The following ROBO1 variants were observed in gnomAD, a reference collection of about 807,000 sequenced individuals.
ROBO1 encodes the protein roundabout guidance receptor 1.
In ROBO1, 149 loss-of-function variants were observed where a neutral mutation model predicts 195.9. That is an observed-to-expected ratio of 0.76 (90% CI 0.67 to 0.87). The LOEUF is 0.87. Among genes scored for constraint, ROBO1 ranks in the 40% least tolerant of loss-of-function variants. The pLI is 0.00. For synonymous variants in ROBO1, 816 were observed against 733.2 expected (o/e 1.11, Z -1.82); for missense variants, 1,933 against 2,068.3 (o/e 0.93, Z 1.27).
At chr3:79,237,468 A>G (rs324752) in intron 2 of ROBO1, among the ~76,000 whole-genome samples, 150,672 of 151,198 alleles carry the variant, frequency 1, 75,076 homozygotes, top group Middle Eastern at 1. Flanking sequence ...GCGACAGAGC[A>G]AGACTCCATC....
At chr3:79,189,085 T>C (rs1441027784) in intron 2 of ROBO1, among the ~76,000 whole-genome samples, 3 of 151,858 alleles carry the variant, frequency 2.0e-5, no homozygotes, top group Admixed American at 1.3e-4. Context: ...TTTCTGTTTT[T>C]ATAAGCTGCC....
At chr3:79,640,016 C>A (rs180714553) in intron 1 of ROBO1, among the ~76,000 whole-genome samples, 1 of 152,202 alleles carries the variant, frequency 6.6e-6, no homozygotes, top group Non-Finnish European at 1.5e-5. Context: ...TCTTCATCAT[C>A]CAGGGACAGA....
chr3:79,630,629 G>C (rs1176632068), intron 1 of ROBO1, among the ~76,000 whole-genome samples: 1 of 151,996 alleles, frequency 6.6e-6, no homozygotes, highest in Middle Eastern at 3.4e-3. Context: ...GTACTGGAAG[G>C]CTTTGACAGA....
intron 2 of ROBO1, among the ~76,000 whole-genome samples, chr3:79,229,740 A>AT (rs1258463795): frequency 6.6e-6 from 1 of 152,114 alleles, no homozygotes; most frequent in African/African-American, 2.4e-5. Flanking sequence ...TTTGAAAGTT[A>AT]TTTTGTGACA....
chr3:79,369,290 C>A (rs966477861), intron 2 of ROBO1, among the ~76,000 whole-genome samples: 2 of 152,160 alleles, frequency 1.3e-5, no homozygotes, highest in South Asian at 4.1e-4. Context: ...ACATAGAAAT[C>A]TAAATCCCTC....
chr3:79,298,068 T>C (rs2032688754), intron 2 of ROBO1, among the ~76,000 whole-genome samples: 1 of 152,148 alleles, frequency 6.6e-6, no homozygotes, highest in Non-Finnish European at 1.5e-5. Flanking sequence ...AGAAATACTA[T>C]TCTCAAAGTG....
intron 24 of ROBO1, among the ~76,000 whole-genome samples, chr3:78,633,308 T>G (rs1435747185): frequency 6.6e-6 from 1 of 152,120 alleles, no homozygotes; most frequent in Non-Finnish European, 1.5e-5. Flanking sequence ...CAAGCTCCCA[T>G]CTGCAGCCCC....
At chr3:78,825,046 T>C (rs1466587872) in intron 4 of ROBO1, among the ~76,000 whole-genome samples, 3 of 152,180 alleles carry the variant, frequency 2.0e-5, no homozygotes, top group Non-Finnish European at 4.4e-5. Context: ...AAAACTCAAT[T>C]TAAATCCCTT....
chr3:79,574,888 CA>C (rs1943399912), intron 2 of ROBO1, among the ~76,000 whole-genome samples: 1 of 150,942 alleles, frequency 6.6e-6, no homozygotes, highest in Admixed American at 6.6e-5. Context: ...TAAACACAAA[CA>C]AAAAAATTAT....
chr3:79,525,729 C>T (rs111577956), intron 2 of ROBO1, among the ~76,000 whole-genome samples: 11,218 of 151,450 alleles, frequency 0.074, 463 homozygotes, highest in East Asian at 0.16. Context: ...CCTCAGCCTC[C>T]TGAGTGGCTG....
intron 3 of ROBO1, among the ~76,000 whole-genome samples, chr3:79,064,114 C>G (rs1163595968): frequency 6.6e-6 from 1 of 151,878 alleles, no homozygotes; most frequent in Admixed American, 6.6e-5. Context: ...AAAAAAATTA[C>G]AAATGTTTAA....
chr3:79,003,843 T>C (rs987735304), intron 3 of ROBO1, among the ~76,000 whole-genome samples: 2 of 152,200 alleles, frequency 1.3e-5, no homozygotes, highest in African/African-American at 2.4e-5. Flanking sequence ...GGTTAAAAAC[T>C]ACAGCACTTC....
chr3:79,450,661 A>G (rs752048449), intron 2 of ROBO1, among the ~76,000 whole-genome samples: 1 of 152,008 alleles, frequency 6.6e-6, no homozygotes. Flanking sequence ...GCTATTCTTA[A>G]TCTCCTTTCT....
At chr3:79,187,468 T>C (rs2081461097) in intron 2 of ROBO1, among the ~76,000 whole-genome samples, 1 of 152,060 alleles carries the variant, frequency 6.6e-6, no homozygotes, top group African/African-American at 2.4e-5. Context: ...TCATTTCTAA[T>C]TGGATATATT....
intron 4 of ROBO1, among the ~76,000 whole-genome samples, chr3:78,867,274 C>T (rs1465494579): frequency 6.6e-6 from 1 of 152,144 alleles, no homozygotes; most frequent in African/African-American, 2.4e-5. Flanking sequence ...TCCTTCATTT[C>T]TATTACCTTA....
intron 2 of ROBO1, among the ~76,000 whole-genome samples, chr3:79,373,743 C>T (rs1008482680): frequency 9.9e-5 from 15 of 152,140 alleles, no homozygotes; most frequent in Non-Finnish European, 1.8e-4. Context: ...AATTAACTTA[C>T]CTTTGAGCCT....
At chr3:79,702,921 A>T (rs1422740390) in intron 1 of ROBO1, among the ~76,000 whole-genome samples, 1 of 151,868 alleles carries the variant, frequency 6.6e-6, no homozygotes, top group African/African-American at 2.4e-5. Flanking sequence ...CAACTTTCCC[A>T]GTAGTGGCCA....
intron 24 of ROBO1, among the ~76,000 whole-genome samples, chr3:78,632,621 C>G (rs912979085): frequency 6.6e-6 from 1 of 152,126 alleles, no homozygotes; most frequent in Non-Finnish European, 1.5e-5. Flanking sequence ...TACCATCACG[C>G]ATCTTTACAT....
Position 79,008,214 on chromosome 3 carries a change from T to A in ROBO1, c.173-69287A>T, listed in dbSNP as rs145012466. Among the ~76,000 whole-genome samples the A allele has an allele frequency of 1.9e-3, 282 of 152,282 alleles. 2 individuals are homozygous for A. Among genetic ancestry groups the A allele is most frequent in the African/African-American group, 6.4e-3 (267 of 41,556 alleles). On this transcript the variant is annotated intron_variant, in intron 3 of 30. Transcript: ENST00000464233. The stretch of plus-strand genomic sequence containing the variant: ...CTTTCATTCATACAGTGCCAACAAT[T>A]CACTAATGTAAATCGACATTTCATT...
Sources: gnomAD v4.1 joint callset for allele counts (sites outside exome capture counted in the v4.1 genomes callset) on GRCh38, gnomAD v4.1.1 for gene constraint, MANE v1.5 for transcripts, NCBI Gene and HGNC (gene_info 2026-07-23, HGNC 2026-07-21) for gene names.